KDM2B: variants seen among roughly 807,000 people sequenced by gnomAD.
KDM2B encodes lysine-specific demethylase 2B.
KDM2B carries 26 observed loss-of-function variants against 150.0 expected under a neutral mutation model. That is an observed-to-expected ratio of 0.17 (90% CI 0.13 to 0.24). KDM2B has a LOEUF of 0.24. Ranked by LOEUF, KDM2B falls within the 10% of genes least tolerant of loss-of-function variation. The probability of loss-of-function intolerance (pLI) is 1.00; values close to 1 mark genes in which losing one functional copy is unlikely to be tolerated. For synonymous variants in KDM2B, 734 were observed against 729.5 expected (o/e 1.01, Z -0.10); for missense variants, 1,265 against 1,816.9 (o/e 0.70, Z 5.52).
In KDM2B at chr12:121,452,632, A is replaced by G. The variant is rs1367368463; in HGVS notation, c.1959+488T>C. ...ATGTCCACTGCCCTGTCTGGGGACG[A>G]GACCAGCGGCGCGGGGCCACTGCCG... On this transcript the variant is annotated intron_variant, in intron 13 of 22. Transcript: ENST00000377071. This position sits in a 1 kb window ranked among gnomAD's most constrained non-coding sequence, Gnocchi z 4.4. Among the ~76,000 whole-genome samples, 2 of 152,264 alleles carry G rather than the reference A, an allele frequency of 1.3e-5. No individual in the cohort carries two copies. Among genetic ancestry groups the G allele is most frequent in the Non-Finnish European group, 2.9e-5 (2 of 68,048 alleles).
Position 121,494,648 on chromosome 12 carries a change from G to A in KDM2B, c.1665C>T (p.His555=), listed in dbSNP as rs782222166. 26 of 1,612,292 alleles carry A rather than the reference G, an allele frequency of 1.6e-5. No individual in the cohort carries two copies. In the East Asian group the frequency reaches 3.1e-4, roughly 19 times the overall value. Residue 555 remains histidine (H), a synonymous_variant, in exon 12 of 23, where the codon CAC becomes CAT. Coordinates refer to ENST00000377071, the MANE Select transcript of KDM2B (RefSeq NM_032590.5). ...TGGCCAGACTAGGGTCATCATCTGCGTGCTCCTTCAGGACGTTCTGTGGCC... is the reference window on the plus strand; with the variant it reads ...TGGCCAGACTAGGGTCATCATCTGCATGCTCCTTCAGGACGTTCTGTGGCC... ...LEGVKNVLKE[H]ADDDPSLAIT...
intron 12 of KDM2B, among the ~76,000 whole-genome samples, chr12:121,486,333 CTTTTTTTTT>C (rs71079073): frequency 2.2e-4 from 13 of 59,008 alleles, no homozygotes; most frequent in African/African-American, 3.9e-4. Context: ...TTTCGAACTC[CTTTTTTTTT>C]TTTTTTTTTT....
At chr12:121,553,890 T>C (rs1453051180) in intron 4 of KDM2B, among the ~76,000 whole-genome samples, 3 of 152,112 alleles carry the variant, frequency 2.0e-5, no homozygotes, top group Admixed American at 2.0e-4. Context: ...TCTGTGAATA[T>C]ACTGAAAACA....
intron 1 of KDM2B, chr12:121,579,561 GA>G (rs1282379608): frequency 6.9e-6 from 9 of 1,295,140 alleles, no homozygotes; most frequent in African/African-American, 1.5e-5. Flanking sequence ...TTGGAAGGGG[GA>G]GAGGCAGACG....
the KDM2B span, chr12:121,420,265 A>G: frequency 3.1e-6 from 5 of 1,606,024 alleles, no homozygotes; most frequent in Admixed American, 8.4e-5. Flanking sequence ...TCACTTCAGC[A>G]AACACAGAAG....
intron 12 of KDM2B, among the ~76,000 whole-genome samples, chr12:121,466,540 C>A (rs1243889216): frequency 1.9e-4 from 28 of 150,768 alleles, no homozygotes; most frequent in Non-Finnish European, 3.4e-4. Flanking sequence ...TGCCGCCGTG[C>A]GGATTCGCCC....
Position 121,509,591 on chromosome 12 carries a change from G to C in KDM2B, c.1623C>G (p.Pro541=). The change falls in exon 11 of 23, where the codon CCC becomes CCG. Residue 541 remains proline, a synonymous_variant. Coordinates refer to ENST00000377071, the MANE Select transcript of KDM2B (RefSeq NM_032590.5). ...KKCVPEGIED[P]QALLEGVKNV... is the part of the protein sequence containing the mutation. ...CCTTCACACCCTCCAGGAGTGCCTG[G>C]GGGTCCTCGATGCCCTCGGGGACAC... 5 of 1,613,462 alleles carry C rather than the reference G, an allele frequency of 3.1e-6. No individual in the cohort carries two copies. Among genetic ancestry groups the C allele is most frequent in the Non-Finnish European group, 4.2e-6 (5 of 1,179,902 alleles).
In KDM2B at chr12:121,533,513, G is replaced by C. The variant is rs554846295; in HGVS notation, c.778-554C>G. 3.5e-4 allele frequency among the ~76,000 whole-genome samples: 53 copies of C among 152,092 alleles called. No homozygotes were observed. The highest frequency in any genetic ancestry group is 6.6e-4 in the Non-Finnish European group (45 of 68,024). On this transcript the variant is annotated intron_variant, in intron 7 of 22. Coordinates refer to ENST00000377071, the MANE Select transcript of KDM2B (RefSeq NM_032590.5). The surrounding 1 kb of genome is among the most constrained non-coding windows in gnomAD (Gnocchi z 4.1). Reference sequence around the variant, plus strand: ...TCAGGGACACCCACATCCCCACGTGGACACGCAACAAAAGCAGACACAGGG... The same window carrying C: ...TCAGGGACACCCACATCCCCACGTGCACACGCAACAAAAGCAGACACAGGG...
chr12:121,558,474 G>A (rs1555313137), intron 4 of KDM2B, among the ~76,000 whole-genome samples: 1 of 132,416 alleles, frequency 7.6e-6, no homozygotes, highest in Non-Finnish European at 1.6e-5. Flanking sequence ...TTTTTTTTGA[G>A]ACGGAGTCTC....
chr12:121,516,985 G>T (rs1478108000), intron 9 of KDM2B: 2 of 605,154 alleles, frequency 3.3e-6, no homozygotes, highest in Non-Finnish European at 2.9e-6. Context: ...AGGGAATGGG[G>T]CATGTCGGCA....
At chr12:121,538,623 C>T (rs1555309169) in intron 6 of KDM2B, among the ~76,000 whole-genome samples, 1 of 152,124 alleles carries the variant, frequency 6.6e-6, no homozygotes, top group Non-Finnish European at 1.5e-5. Flanking sequence ...ACATATTCAC[C>T]GCATCATCCA....
intron 12 of KDM2B, among the ~76,000 whole-genome samples, chr12:121,489,244 C>T (rs1941331424): frequency 1.3e-5 from 2 of 151,892 alleles, no homozygotes; most frequent in Non-Finnish European, 1.5e-5. Context: ...TGCGCCCGGC[C>T]GGGTTTTATT....
chr12:121,418,743 CAG>C, the KDM2B span: 1 of 151,962 alleles, frequency 6.6e-6, no homozygotes, highest in South Asian at 2.1e-4. Flanking sequence ...TGTTTGGAGG[CAG>C]AGTCTCACTC....
At chr12:121,507,480 C>T (rs1885192386) in intron 11 of KDM2B, among the ~76,000 whole-genome samples, 1 of 152,218 alleles carries the variant, frequency 6.6e-6, no homozygotes, top group African/African-American at 2.4e-5. Flanking sequence ...TCACGAGCTG[C>T]CCGTGATTCC....
intron 22 of KDM2B, among the ~76,000 whole-genome samples, chr12:121,439,150 T>C (rs532849178): frequency 2.2e-4 from 34 of 152,226 alleles, no homozygotes; most frequent in African/African-American, 7.0e-4. Context: ...AAGGGGTGCA[T>C]GTAAGCAACG....
chr12:121,515,869 C>T (rs1016471064), intron 9 of KDM2B, among the ~76,000 whole-genome samples: 2 of 152,154 alleles, frequency 1.3e-5, no homozygotes, highest in African/African-American at 4.8e-5. Context: ...CTGGGGGATG[C>T]ACGGAGTGGG....
chr12:121,426,744 T>C (rs2137276601), downstream of KDM2B, among the ~76,000 whole-genome samples: 1 of 151,674 alleles, frequency 6.6e-6, no homozygotes, highest in Admixed American at 6.6e-5. Flanking sequence ...TTCTGCCTTT[T>C]CCTCCTGAGT....
At chr12:121,554,056 C>T (rs1294239805) in intron 4 of KDM2B, among the ~76,000 whole-genome samples, 1 of 150,120 alleles carries the variant, frequency 6.7e-6, no homozygotes, top group African/African-American at 2.4e-5. Flanking sequence ...CACACACACA[C>T]ACACACACAC....
intron 12 of KDM2B, among the ~76,000 whole-genome samples, chr12:121,485,157 C>T (rs1313159864): frequency 1.3e-5 from 2 of 152,088 alleles, no homozygotes; most frequent in Admixed American, 6.6e-5. Flanking sequence ...TGAGGCGGTA[C>T]GTTTCTGTCA....
Sources: allele counts gnomAD v4.1 joint callset (sites outside exome capture counted in the v4.1 genomes callset), GRCh38; gene constraint gnomAD v4.1.1; non-coding constraint Gnocchi (gnomAD v3.1); transcripts MANE v1.5; gene names NCBI Gene and HGNC (gene_info 2026-07-23, HGNC 2026-07-21).